The following PSMG2 variants were observed in gnomAD, a reference collection of about 807,000 sequenced individuals.
PSMG2 encodes the protein proteasome assembly chaperone 2, also known as CD40 ligand-activated specific transcript 3.
PSMG2 carries 21 observed loss-of-function variants against 31.5 expected under a neutral mutation model. The observed-to-expected ratio is 0.67, with a 90% confidence interval of 0.47 to 0.96. PSMG2 has a LOEUF of 0.96. Among genes scored for constraint, PSMG2 ranks in the 40% least tolerant of loss-of-function variants. The pLI, the probability that PSMG2 is intolerant of heterozygous loss-of-function variation, is 0.00. For missense variants in PSMG2, 318 were observed against 321.2 expected (o/e 0.99, Z 0.08); for synonymous variants, 120 against 110.4 (o/e 1.09, Z -0.54).
At chr18:12,722,322 T>C (rs116225462) in intron 5 of PSMG2, among the ~76,000 whole-genome samples, 1 of 152,178 alleles carries the variant, frequency 6.6e-6, no homozygotes, top group African/African-American at 2.4e-5. Context: ...AAGTCTACAG[T>C]TGCCTGGCTT....
intron 1 of PSMG2, among the ~76,000 whole-genome samples, chr18:12,671,568 T>C (rs562121857): frequency 4.3e-4 from 65 of 151,408 alleles, no homozygotes; most frequent in African/African-American, 1.5e-3. Context: ...TTTTAAAGTT[T>C]ACTTTTGTTC....
intron 2 of PSMG2, among the ~76,000 whole-genome samples, chr18:12,707,597 T>C (rs1050400254): frequency 2.6e-5 from 4 of 152,226 alleles, no homozygotes; most frequent in African/African-American, 9.6e-5. Context: ...CTATCAGGCT[T>C]GATTAATCAG....
At chr18:12,724,705 AAGTG>A (rs1414250370) in intron 6 of PSMG2, 86 bp downstream of exon 6, 1 of 1,265,956 alleles carries the variant, frequency 7.9e-7, no homozygotes, top group Non-Finnish European at 1.0e-6. Flanking sequence ...TAGACCAAGT[AAGTG>A]AACGTTTGTA....
chr18:12,718,829 A>G (rs540086388), intron 4 of PSMG2, among the ~76,000 whole-genome samples, 194 bp downstream of exon 4: 1 of 152,292 alleles, frequency 6.6e-6, no homozygotes, highest in South Asian at 2.1e-4. Flanking sequence ...CTGTGAGCTT[A>G]GTAGAGTTGG....
At chr18:12,672,175 C>T (rs1224778576) in intron 1 of PSMG2, among the ~76,000 whole-genome samples, 3 of 149,060 alleles carry the variant, frequency 2.0e-5, no homozygotes, top group South Asian at 2.1e-4. Context: ...AGTGCAGTGG[C>T]GCGATCTCAC....
At chr18:12,666,924 TATTC>T (rs1259398629) in intron 1 of PSMG2, among the ~76,000 whole-genome samples, 2 of 152,124 alleles carry the variant, frequency 1.3e-5, no homozygotes, top group African/African-American at 2.4e-5. Context: ...AAGTAAATCT[TATTC>T]ATAATGAGTT....
intron 3 of PSMG2, among the ~76,000 whole-genome samples, chr18:12,713,605 A>G (rs1044038468): frequency 6.6e-6 from 1 of 152,114 alleles, no homozygotes; most frequent in Non-Finnish European, 1.5e-5. Context: ...CGTGATGGAG[A>G]GTCAGCTTGC....
At chr18:12,711,426 CAGAT>C (rs991410418) in intron 2 of PSMG2, among the ~76,000 whole-genome samples, 1 of 152,168 alleles carries the variant, frequency 6.6e-6, no homozygotes, top group Non-Finnish European at 1.5e-5. Context: ...GTGTTTGTCA[CAGAT>C]AGGTTAGAGG....
intron 1 of PSMG2, among the ~76,000 whole-genome samples, chr18:12,704,568 G>A (rs756243002): frequency 6.6e-6 from 1 of 152,140 alleles, no homozygotes; most frequent in Admixed American, 6.5e-5. Flanking sequence ...CAGCCTGGGC[G>A]ACAGAGTGAG....
intron 3 of PSMG2, among the ~76,000 whole-genome samples, chr18:12,717,630 TTTCCACAGCTG>T (rs1598685851): frequency 6.6e-6 from 1 of 152,228 alleles, no homozygotes; most frequent in African/African-American, 2.4e-5. Flanking sequence ...CATACTCAAA[TTTCCACAGCTG>T]TTCCGAAAGT....
intron 1 of PSMG2, among the ~76,000 whole-genome samples, chr18:12,667,125 A>G (rs778046787): frequency 6.6e-6 from 1 of 152,200 alleles, no homozygotes; most frequent in Non-Finnish European, 1.5e-5. Flanking sequence ...TATTGAAAAT[A>G]GTGATAAAAA....
intron 1 of PSMG2, chr18:12,695,396 T>C (rs1240666195): frequency 3.2e-6 from 3 of 937,328 alleles, no homozygotes; most frequent in Non-Finnish European, 4.8e-6. Flanking sequence ...CAATACTATA[T>C]ATATTTAGTC....
At position 12,687,367 on chromosome 18, in the gene PSMG2, TGAGA is replaced by T. The variant is rs1249157692; in HGVS notation, c.-36-19182_-36-19179del. Among the ~76,000 whole-genome samples, 11 of 152,086 alleles carry T rather than the reference TGAGA, an allele frequency of 7.2e-5. No individual in the cohort carries two copies. In the South Asian group the frequency reaches 1.7e-3, roughly 23 times the overall value. On this transcript the variant is annotated intron_variant, in intron 1 of 6. Transcript: ENST00000585331. ...CTCACTTATTTACATTTGATTATAATGAGAAAGATCATTAATTTTTATGTTGCAG... is the reference window on the plus strand; with the variant it reads ...CTCACTTATTTACATTTGATTATAATAAGATCATTAATTTTTATGTTGCAG...
Position 12,703,052 on chromosome 18 carries a change from T to TGCCCTCGTTCTTGCC in PSMG2, c.-55_-41dup. ...GGGTCTCGGGCTTCCGCCTTCTTGCTGCCCTCGTTCTTGCCAGGGCCGCGG... is the reference window on the plus strand; with the variant it reads ...GGGTCTCGGGCTTCCGCCTTCTTGCTGCCCTCGTTCTTGCCGCCCTCGTTCTTGCCAGGGCCGCGG... On this transcript the variant is annotated 5_prime_UTR_variant, in exon 1 of 7. Transcript: ENST00000317615. The TGCCCTCGTTCTTGCC allele has an allele frequency of 6.3e-7, 1 of 1,582,244 alleles. No homozygotes were observed. The highest frequency in any genetic ancestry group is 8.6e-7 in the Non-Finnish European group (1 of 1,161,952).
intron 1 of PSMG2, among the ~76,000 whole-genome samples, chr18:12,663,018 T>C (rs939435731): frequency 6.6e-6 from 1 of 152,182 alleles, no homozygotes; most frequent in African/African-American, 2.4e-5. Flanking sequence ...AAGATTTGAC[T>C]TGGAAAAGAC....
intron 1 of PSMG2, among the ~76,000 whole-genome samples, chr18:12,664,535 G>T (rs1598602894): frequency 6.6e-6 from 1 of 151,880 alleles, no homozygotes; most frequent in East Asian, 2.0e-4. Flanking sequence ...GGGTGACAGA[G>T]CGAGACTCCG....
intron 1 of PSMG2, among the ~76,000 whole-genome samples, chr18:12,668,597 C>CAAAAAAAAAAAAAAAAAAAAAAAAAA (rs752216074): frequency 1.4e-5 from 1 of 72,836 alleles, no homozygotes; most frequent in African/African-American, 5.5e-5. Flanking sequence ...GATTCCATCT[C>CAAAAAAAAAAAAAAAAAAAAAAAAAA]AAAAAAAAAA....
chr18:12,718,739 C>G (rs2040401865), intron 4 of PSMG2, 104 bp downstream of exon 4: 1 of 743,248 alleles, frequency 1.3e-6, no homozygotes, highest in East Asian at 2.7e-5. Context: ...CTTACCTCTT[C>G]TTACTGGAGT....
intron 3 of PSMG2, among the ~76,000 whole-genome samples, chr18:12,718,005 C>CTTTTT (rs2040394075): frequency 7.0e-6 from 1 of 141,894 alleles, no homozygotes. Flanking sequence ...TTTTCTTTTT[C>CTTTTT]TTTTTTCTTT....
Sources: allele counts gnomAD v4.1 joint callset (sites outside exome capture counted in the v4.1 genomes callset), GRCh38; gene constraint gnomAD v4.1.1; transcripts MANE v1.5; gene names NCBI Gene and HGNC (gene_info 2026-07-23, HGNC 2026-07-21).